ATOX1: variants seen among roughly 807,000 people sequenced by gnomAD.
The protein encoded by ATOX1 is antioxidant 1 copper chaperone.
In ATOX1, 4 loss-of-function variants were observed where a neutral mutation model predicts 7.3. The observed-to-expected ratio is 0.55, with a 90% CI of 0.27 to 1.25. The LOEUF (loss-of-function observed/expected upper bound fraction) is 1.25. ATOX1 is among the 50% of genes most tolerant of loss of function. ATOX1 has a pLI of 0.12. For missense variants in ATOX1, 68 were observed against 81.6 expected (o/e 0.83, Z 0.64); for synonymous variants, 25 against 28.7 (o/e 0.87, Z 0.41).
intron 2 of ATOX1, 92 bp from the exon 3 acceptor site, chr5:151,746,541 A>C: frequency 6.5e-7 from 1 of 1,541,272 alleles, no homozygotes; most frequent in Non-Finnish European, 8.9e-7. Flanking sequence ...TACTACTCAC[A>C]ACCACCCTTG....
intron 1 of ATOX1, chr5:151,752,511 G>A: frequency 1.6e-6 from 1 of 620,100 alleles, no homozygotes; most frequent in Non-Finnish European, 2.9e-6. Flanking sequence ...CAGAGGTTTT[G>A]TTCAGTTCAC....
chr5:151,752,597 T>C (rs1174907451), intron 1 of ATOX1, among the ~76,000 whole-genome samples: 1 of 150,228 alleles, frequency 6.7e-6, no homozygotes, highest in African/African-American at 2.5e-5. Flanking sequence ...CAATGGATAA[T>C]TGACATGGCT....
intron 2 of ATOX1, 26 bp from the exon 3 acceptor site, chr5:151,746,475 G>C (rs369479197): frequency 1.2e-6 from 2 of 1,612,908 alleles, no homozygotes; most frequent in Admixed American, 1.7e-5. Flanking sequence ...ATGGGGTATG[G>C]GGAGAGGAAG....
intron 1 of ATOX1, among the ~76,000 whole-genome samples, chr5:151,752,999 T>C (rs1761970309): frequency 6.6e-6 from 1 of 152,234 alleles, no homozygotes; most frequent in African/African-American, 2.4e-5. Flanking sequence ...CTTCTGAAGC[T>C]ATCACAATGT....
chr5:151,751,116 C>T (rs930796086), intron 2 of ATOX1, among the ~76,000 whole-genome samples: 12 of 151,898 alleles, frequency 7.9e-5, no homozygotes, highest in African/African-American at 2.2e-4. Context: ...ATGAGCCAGG[C>T]GTGGTGGTGC....
intron 2 of ATOX1, among the ~76,000 whole-genome samples, chr5:151,748,063 A>G (rs1405647153): frequency 6.6e-6 from 1 of 152,228 alleles, no homozygotes; most frequent in Non-Finnish European, 1.5e-5. Context: ...TTGTTATACC[A>G]TGAATTCACA....
chr5:151,755,938 C>CTTTT (rs914215313), intron 1 of ATOX1, among the ~76,000 whole-genome samples: 31 of 118,420 alleles, frequency 2.6e-4, no homozygotes, highest in Non-Finnish European at 3.4e-4. Flanking sequence ...TGGGATGATT[C>CTTTT]TTTTTTTTTT....
At chr5:151,746,766 C>T (rs1761884232) in intron 2 of ATOX1, among the ~76,000 whole-genome samples, 1 of 152,310 alleles carries the variant, frequency 6.6e-6, no homozygotes, top group Admixed American at 6.5e-5. Flanking sequence ...CAGAGACGCA[C>T]TCTGTTGCCC....
chr5:151,754,980 CAAAAAAAAAAAAAAA>C (rs79359321), intron 1 of ATOX1, among the ~76,000 whole-genome samples: 1 of 48,890 alleles, frequency 2.0e-5, no homozygotes, highest in Non-Finnish European at 4.4e-5. Context: ...AGACACCGTC[CAAAAAAAAAAAAAAA>C]AAAAAAGAAA....
chr5:151,756,801 G>A (rs1207843759), intron 1 of ATOX1, among the ~76,000 whole-genome samples: 2 of 152,086 alleles, frequency 1.3e-5, no homozygotes, highest in African/African-American at 2.4e-5. Flanking sequence ...TAGCCCACCT[G>A]TCCTACGTCT....
intron 2 of ATOX1, among the ~76,000 whole-genome samples, chr5:151,751,461 C>T (rs1761947564): frequency 6.6e-6 from 1 of 151,890 alleles, no homozygotes; most frequent in Non-Finnish European, 1.5e-5. Context: ...TTCTGAACTT[C>T]AGCTGTCTCC....
chr5:151,754,800 A>G (rs769097988), intron 1 of ATOX1, among the ~76,000 whole-genome samples: 1 of 151,922 alleles, frequency 6.6e-6, no homozygotes, highest in Non-Finnish European at 1.5e-5. Context: ...TCTGGCCAAC[A>G]TGGTGAAACC....
At chr5:151,748,507 G>A (rs1002703936) in intron 2 of ATOX1, among the ~76,000 whole-genome samples, 1 of 152,118 alleles carries the variant, frequency 6.6e-6, no homozygotes, top group African/African-American at 2.4e-5. Context: ...GGGACAGTAG[G>A]AAAAGATGGG....
intron 1 of ATOX1, 90 bp downstream of exon 1, chr5:151,758,456 T>A: frequency 7.1e-7 from 1 of 1,415,308 alleles, no homozygotes; most frequent in Non-Finnish European, 9.3e-7. Flanking sequence ...GCCTGAGCCC[T>A]TCAAGATCAG....
In ATOX1 at chr5:151,752,846, G is replaced by C. The variant is rs78170421; in HGVS notation, c.7-1067C>G. Among the ~76,000 whole-genome samples the C allele has an allele frequency of 1.6e-3, 241 of 152,194 alleles. 4 individuals are homozygous for C. The highest frequency in any genetic ancestry group is 0.015 in the East Asian group (79 of 5,174). On this transcript the variant is annotated intron_variant, in intron 1 of 3. Transcript: ENST00000313115. ...AGATTTGTGAATGGGATGAACACAG[G>C]ATTTTAAGTACGGTTAGCCAGCATC...
intron 2 of ATOX1, 181 bp from the exon 3 acceptor site, chr5:151,746,630 C>T (rs1034793308): frequency 1.6e-6 from 1 of 641,770 alleles, no homozygotes; most frequent in South Asian, 1.9e-5. Flanking sequence ...TTGTGGGTCA[C>T]ATATAGACTC....
intron 2 of ATOX1, 35 bp downstream of exon 2, chr5:151,751,669 G>C: frequency 6.3e-7 from 1 of 1,577,838 alleles, no homozygotes. Context: ...TCTGAACATG[G>C]CATAAGTGCA....
intron 2 of ATOX1, among the ~76,000 whole-genome samples, chr5:151,749,764 C>T (rs1010296223): frequency 1.3e-5 from 2 of 152,038 alleles, no homozygotes; most frequent in African/African-American, 4.8e-5. Flanking sequence ...GAAACCCAGG[C>T]CCGAGAAAGA....
At chr5:151,748,975 G>A (rs540151282) in intron 2 of ATOX1, among the ~76,000 whole-genome samples, 24 of 152,284 alleles carry the variant, frequency 1.6e-4, no homozygotes, top group African/African-American at 5.5e-4. Context: ...GTGTGGTCCT[G>A]TAGTCCCAGC....
Sources: gnomAD v4.1 joint callset for allele counts (sites outside exome capture counted in the v4.1 genomes callset) on GRCh38, gnomAD v4.1.1 for gene constraint, MANE v1.5 for transcripts, NCBI Gene and HGNC (gene_info 2026-07-23, HGNC 2026-07-21) for gene names.